INTS6: variants seen among roughly 807,000 people sequenced by gnomAD.
INTS6 encodes the protein DEAD box protein.
Under a neutral mutation model 104.9 loss-of-function variants are expected in INTS6, and 16 were observed. That is an observed-to-expected ratio of 0.15 (90% CI 0.10 to 0.23). INTS6 has a LOEUF of 0.23. Among genes scored for constraint, INTS6 ranks in the 10% least tolerant of loss-of-function variants. The pLI, the probability that INTS6 is intolerant of heterozygous loss-of-function variation, is 1.00. For synonymous variants in INTS6, 324 were observed against 358.7 expected, an observed-to-expected ratio of 0.90 and a Z score of 1.09; for missense variants, 584 against 1,062.8, an observed-to-expected ratio of 0.55 and a Z score of 6.26.
chr13:51,432,936 A>C (rs1957123240), intron 3 of INTS6, among the ~76,000 whole-genome samples: 1 of 152,254 alleles, frequency 6.6e-6, no homozygotes, highest in South Asian at 2.1e-4. Context: ...GGTCTCTACC[A>C]GTATTTTAGC....
chr13:51,373,658 G>A (rs1333400498), intron 15 of INTS6, among the ~76,000 whole-genome samples: 1 of 152,138 alleles, frequency 6.6e-6, no homozygotes, highest in Non-Finnish European at 1.5e-5. Flanking sequence ...ACAGCTTTTG[G>A]CTTAAGCATT....
At chr13:51,412,975 T>C (rs999316638) in intron 4 of INTS6, among the ~76,000 whole-genome samples, 1 of 152,170 alleles carries the variant, frequency 6.6e-6, no homozygotes, top group Non-Finnish European at 1.5e-5. Context: ...TATAATCAAA[T>C]GCGAAATTTC....
At chr13:51,356,042 T>A (rs1291515930) in intron 3 of INTS6, among the ~76,000 whole-genome samples, 1 of 152,176 alleles carries the variant, frequency 6.6e-6, no homozygotes, top group Non-Finnish European at 1.5e-5. Context: ...GAGATTTTGA[T>A]CCACAAGAGA....
chr13:51,379,365 C>A, intron 11 of INTS6, 97 bp downstream of exon 11: 1 of 519,694 alleles, frequency 1.9e-6, no homozygotes, highest in African/African-American at 2.0e-5. Context: ...TAATGGAATT[C>A]CATTAGAACC....
rs1359737941 is a variant in INTS6 at position 51,387,525 on chromosome 13, A to G, written c.755T>C (p.Ile252Thr). The change falls in exon 7 of 18, where the codon ATA (isoleucine) becomes ACA (threonine). Residue 252 changes from isoleucine (I) to threonine (T), a missense_variant. By Grantham distance (89) the Ile-to-Thr change is moderately conservative. This residue lies in a region of INTS6 where 144 missense variants were observed against 348.7 expected (regional missense o/e 0.41). Coordinates refer to ENST00000311234, the MANE Select transcript of INTS6 (RefSeq NM_012141.3). ...AGGCTGAGATCCAAAAGGCCTTGAT[A>G]TATCTGGCTGCCCATCTATAGCAAA... ...PSPVEDGQPDISRPFGSQPWH... is the reference protein window; with the variant it reads ...PSPVEDGQPDTSRPFGSQPWH... 1.2e-6 allele frequency: 2 copies of G among 1,609,092 alleles called. No homozygotes were observed. Among genetic ancestry groups the G allele is most frequent in the Non-Finnish European group, 1.7e-6 (2 of 1,177,132 alleles).
chr13:51,345,254 C>G, the INTS6 span, among the ~76,000 whole-genome samples: 26 of 152,234 alleles, frequency 1.7e-4, no homozygotes, highest in Admixed American at 1.6e-3. Flanking sequence ...GATTCTAACC[C>G]AGGTGGTCCG....
At chr13:51,435,543 ATAT>A (rs1302765380) in intron 3 of INTS6, among the ~76,000 whole-genome samples, 2 of 152,068 alleles carry the variant, frequency 1.3e-5, no homozygotes, top group African/African-American at 2.4e-5. Context: ...ATGTAAACAG[ATAT>A]TATCTATTAT....
chr13:51,441,873 T>G (rs1386881299), intron 3 of INTS6: 3 of 149,302 alleles, frequency 2.0e-5, no homozygotes, highest in African/African-American at 2.5e-5. Flanking sequence ...CAGGCTGGAG[T>G]GCAGTCGCAC....
chr13:51,405,511 GTTAA>G lies in INTS6; in HGVS notation c.430-10032_430-10029del, dbSNP rs542676873. On this transcript the variant is annotated intron_variant, in intron 4 of 17. Coordinates refer to ENST00000311234, the MANE Select transcript of INTS6 (RefSeq NM_012141.3). ...CTATCAATTCTTGGATTTCCCTACT[GTTAA>G]TTTTTTTTTCATAAACAACTCTTAC... Among the ~76,000 whole-genome samples, 312 of 152,164 alleles carry G rather than the reference GTTAA, an allele frequency of 2.1e-3. 1 individual carries two copies. The highest frequency in any genetic ancestry group is 5.0e-3 in the Admixed American group (76 of 15,288).
At chr13:51,442,320 G>C (rs1402729720) in intron 3 of INTS6, 2 of 148,774 alleles carry the variant, frequency 1.3e-5, no homozygotes, top group East Asian at 4.0e-4. Flanking sequence ...GCTAATTTTT[G>C]TATTTTTAGT....
intron 7 of INTS6, among the ~76,000 whole-genome samples, chr13:51,387,152 A>C (rs1330974807): frequency 6.6e-6 from 1 of 152,224 alleles, no homozygotes; most frequent in African/African-American, 2.4e-5. Context: ...AATCGCAAGC[A>C]TAGTATTAGA....
At chr13:51,449,051 T>C (rs1048219417) in intron 3 of INTS6, 1 of 152,236 alleles carries the variant, frequency 6.6e-6, no homozygotes, top group Admixed American at 6.5e-5. Flanking sequence ...GATAGTTTTA[T>C]GATGAAAAAA....
Position 51,378,470 on chromosome 13 carries a change from G to C in INTS6, c.1387-16C>G, listed in dbSNP as rs748398974. 6.5e-7 allele frequency: 1 copy of C among 1,542,738 alleles called. No individual in the cohort carries two copies. Among genetic ancestry groups the C allele is most frequent in the Non-Finnish European group, 8.9e-7 (1 of 1,117,652 alleles). On this transcript the variant is annotated splice_polypyrimidine_tract_variant and intron_variant, in intron 11 of 17. Coordinates refer to ENST00000311234, the MANE Select transcript of INTS6 (RefSeq NM_012141.3). ...CTATTTTGGCCTAAAGTAAAAATAA[G>C]TCAGAATTATCTTGATAAAATCTAA...
At chr13:51,447,482 A>G (rs1168851342) in intron 3 of INTS6, 1 of 152,168 alleles carries the variant, frequency 6.6e-6, no homozygotes, top group Non-Finnish European at 1.5e-5. Context: ...CCATTTTTCA[A>G]TGAGGTAAAC....
Position 51,452,957 on chromosome 13 carries a change from G to A in INTS6, c.-432C>T, listed in dbSNP as rs1420637641. The A allele has an allele frequency of 1.4e-5, 14 of 1,029,178 alleles. No homozygotes were observed. Among genetic ancestry groups the A allele is most frequent in the Non-Finnish European group, 1.6e-5 (14 of 856,304 alleles). The allele number at this position is 1,029,178 out of a possible 1,614,324, so 63.8% of individuals were successfully genotyped here. A position where few individuals can be genotyped will look rare whatever the true frequency, so the allele number is the denominator to read the frequency against. ...TGGGCTGAGGGAAGATTGGCCCTGG[G>A]GCTGTTGGGAGAAGTTTCAGGGACT... On this transcript the variant is annotated 5_prime_UTR_variant, in exon 1 of 18. Coordinates refer to ENST00000311234, the MANE Select transcript of INTS6 (RefSeq NM_012141.3). The surrounding 1 kb of genome is among the most constrained non-coding windows in gnomAD (Gnocchi z 4.2).
rs1306989135 is a variant in INTS6, at chr13:51,430,448, AT to A, written c.340-66del. 4.0e-5 allele frequency: 50 copies of A among 1,265,692 alleles called. No homozygotes were observed. The East Asian group carries it at 1.1e-3, about 28-fold the overall frequency. The allele number at this position is 1,265,692 out of a possible 1,614,324, so 78.4% of individuals were successfully genotyped here. A position where few individuals can be genotyped will look rare whatever the true frequency, so the allele number is the denominator to read the frequency against. ...CTTTGGCTTACAAAGTAAAAAGTCA[AT>A]TCTCAGAACAGCATATATACGATCT... On this transcript the variant is annotated intron_variant, in intron 3 of 17. Transcript: ENST00000311234.
At chr13:51,402,963 A>G (rs989723471) in intron 4 of INTS6, among the ~76,000 whole-genome samples, 3 of 152,202 alleles carry the variant, frequency 2.0e-5, no homozygotes, top group Admixed American at 2.0e-4. Context: ...AGCACCTACC[A>G]TAAACACAGC....
At chr13:51,405,601 T>C (rs1223140600) in intron 4 of INTS6, among the ~76,000 whole-genome samples, 4 of 152,194 alleles carry the variant, frequency 2.6e-5, no homozygotes, top group African/African-American at 7.2e-5. Flanking sequence ...GATGGCACAG[T>C]ACTCCGAAGC....
At chr13:51,418,869 A>C (rs1956843724) in intron 4 of INTS6, among the ~76,000 whole-genome samples, 1 of 152,192 alleles carries the variant, frequency 6.6e-6, no homozygotes, top group South Asian at 2.1e-4. Context: ...AACGAGTTTT[A>C]GTAAATTTAC....
Sources: allele counts gnomAD v4.1 joint callset (sites outside exome capture counted in the v4.1 genomes callset), GRCh38; gene constraint gnomAD v4.1.1; regional missense constraint gnomAD v4.1.1; non-coding constraint Gnocchi (gnomAD v3.1); transcripts MANE v1.5; gene names NCBI Gene and HGNC (gene_info 2026-07-23, HGNC 2026-07-21).